Variants in KIF16B observed in about 807,000 individuals in gnomAD.
The protein encoded by KIF16B is kinesin family member 16B.
KIF16B carries 98 observed loss-of-function variants against 156.3 expected under a neutral mutation model. That is an observed-to-expected ratio of 0.63 (90% CI 0.53 to 0.74). The LOEUF (loss-of-function observed/expected upper bound fraction) is 0.74. KIF16B is among the 30% of genes least tolerant of loss of function. The probability of loss-of-function intolerance (pLI) is 0.00; values close to 1 mark genes in which losing one functional copy is unlikely to be tolerated. For missense variants in KIF16B, 1,421 were observed against 1,606.5 expected, an observed-to-expected ratio of 0.88 and a Z score of 1.97; for synonymous variants, 564 against 583.7, an observed-to-expected ratio of 0.97 and a Z score of 0.49.
intron 22 of KIF16B, among the ~76,000 whole-genome samples, chr20:16,361,511 T>A (rs6043913): frequency 0.68 from 103,330 of 152,126 alleles, 36,360 homozygotes; most frequent in East Asian, 0.97. Flanking sequence ...ATACATCTGA[T>A]TTGGATTTTG....
At chr20:16,322,437 G>A (rs2063785853) in intron 24 of KIF16B, among the ~76,000 whole-genome samples, 1 of 151,880 alleles carries the variant, frequency 6.6e-6, no homozygotes, top group Non-Finnish European at 1.5e-5. Context: ...AATCTTATAA[G>A]CTATTTTATA....
chr20:16,388,288 C>T lies in KIF16B; in HGVS notation c.1785-6541G>A, dbSNP rs539303710. Among the ~76,000 whole-genome samples the T allele has an allele frequency of 2.7e-4, 41 of 152,178 alleles. 1 individual carries two copies. The highest frequency in any genetic ancestry group is 4.9e-4 in the Non-Finnish European group (33 of 68,000). On this transcript the variant is annotated intron_variant, in intron 17 of 25. Coordinates refer to ENST00000354981, the MANE Select transcript of KIF16B (RefSeq NM_024704.5). ...ATTTCTGTTAAATATTACATATTTACTAATCATACTCCAAAATGCACCTAT... is the reference window on the plus strand; with the variant it reads ...ATTTCTGTTAAATATTACATATTTATTAATCATACTCCAAAATGCACCTAT...
In KIF16B at chr20:16,272,697, A is replaced by C. The variant is rs2063000820; in HGVS notation, c.*556T>G. 1 of 152,778 alleles carries C rather than the reference A, an allele frequency of 6.5e-6. No individual in the cohort carries two copies. Among genetic ancestry groups the C allele is most frequent in the Non-Finnish European group, 1.5e-5 (1 of 68,136 alleles). 9.5% of individuals were successfully genotyped at this position (152,778 alleles called of 1,614,324 possible). A position where few individuals can be genotyped will look rare whatever the true frequency, so the allele number is the denominator to read the frequency against. ...TTTGCAGAATATGAAATTCTGTGTA[A>C]ACATCAGTGTTTGGGTTTTATATAA... On this transcript the variant is annotated 3_prime_UTR_variant, in exon 26 of 26. Transcript: ENST00000354981.
At chr20:16,343,172 A>C (rs559568230) in intron 23 of KIF16B, among the ~76,000 whole-genome samples, 1 of 152,342 alleles carries the variant, frequency 6.6e-6, no homozygotes, top group South Asian at 2.1e-4. Flanking sequence ...GAGTGGTTTC[A>C]CTGATACAAA....
intron 1 of KIF16B, among the ~76,000 whole-genome samples, chr20:16,537,995 T>C (rs73597781): frequency 6.6e-6 from 1 of 152,144 alleles, no homozygotes; most frequent in Admixed American, 6.5e-5. Context: ...TGAGCCACCA[T>C]GCCCAGCCCT....
At chr20:16,377,841 T>C (rs903261161) in intron 19 of KIF16B, among the ~76,000 whole-genome samples, 1 of 152,166 alleles carries the variant, frequency 6.6e-6, no homozygotes, top group African/African-American at 2.4e-5. Context: ...GAACTTATGG[T>C]CTGGTAAGTA....
intron 12 of KIF16B, among the ~76,000 whole-genome samples, chr20:16,452,783 C>T (rs907385771): frequency 7.3e-5 from 11 of 149,798 alleles, no homozygotes; most frequent in Admixed American, 4.7e-4. Flanking sequence ...TGCAGTGAGC[C>T]GAGATCGCGC....
intron 3 of KIF16B, among the ~76,000 whole-genome samples, chr20:16,516,107 C>A (rs771464449): frequency 7.9e-5 from 12 of 152,204 alleles, no homozygotes; most frequent in South Asian, 2.1e-4. Context: ...TCAATGCCAT[C>A]ATTTTAAGGG....
At chr20:16,320,151 C>A (rs2063753023) in intron 24 of KIF16B, among the ~76,000 whole-genome samples, 1 of 152,086 alleles carries the variant, frequency 6.6e-6, no homozygotes, top group Admixed American at 6.6e-5. Flanking sequence ...CAATGGAAGA[C>A]AAAAACAAGG....
intron 24 of KIF16B, among the ~76,000 whole-genome samples, chr20:16,322,779 G>A (rs2063790755): frequency 6.6e-6 from 1 of 151,886 alleles, no homozygotes; most frequent in South Asian, 2.1e-4. Flanking sequence ...GACATGTAAT[G>A]GAAAAATGTA....
chr20:16,331,806 T>C (rs1366462876), intron 24 of KIF16B, among the ~76,000 whole-genome samples: 1 of 152,176 alleles, frequency 6.6e-6, no homozygotes, highest in African/African-American at 2.4e-5. Context: ...TTCTAGGATG[T>C]TGTCAGGCCA....
At chr20:16,570,211 C>G (rs987449193) in intron 1 of KIF16B, among the ~76,000 whole-genome samples, 2 of 152,128 alleles carry the variant, frequency 1.3e-5, no homozygotes, top group African/African-American at 4.8e-5. Context: ...ATGCAAAAAT[C>G]ATCATCTTTA....
At chr20:16,567,777 T>C (rs1020857459) in intron 1 of KIF16B, among the ~76,000 whole-genome samples, 7 of 152,096 alleles carry the variant, frequency 4.6e-5, no homozygotes, top group East Asian at 3.9e-4. Flanking sequence ...AGTGAAACCC[T>C]GTCTCTACTA....
intron 15 of KIF16B, among the ~76,000 whole-genome samples, chr20:16,413,748 A>AAC (rs1174996257): frequency 7.4e-5 from 9 of 122,166 alleles, no homozygotes; most frequent in Non-Finnish European, 1.0e-4. Context: ...TCCACCAACC[A>AAC]ACACACACAC....
intron 25 of KIF16B, among the ~76,000 whole-genome samples, chr20:16,301,363 G>A (rs1246939561): frequency 1.3e-5 from 2 of 152,196 alleles, no homozygotes; most frequent in African/African-American, 4.8e-5. Flanking sequence ...GAGTGAGAGG[G>A]CTGGATCATA....
chr20:16,293,040 G>A (rs7343477), intron 25 of KIF16B, among the ~76,000 whole-genome samples: 5,345 of 152,126 alleles, frequency 0.035, 294 homozygotes, highest in African/African-American at 0.12. Context: ...AGAAAATACA[G>A]GAGACAGAAA....
chr20:16,537,184 C>T (rs1455498010), intron 1 of KIF16B, among the ~76,000 whole-genome samples: 1 of 152,176 alleles, frequency 6.6e-6, no homozygotes, highest in African/African-American at 2.4e-5. Context: ...TTCCCAAAGG[C>T]TACAGGATAA....
chr20:16,350,155 T>C (rs932628372), intron 23 of KIF16B, among the ~76,000 whole-genome samples: 5 of 152,246 alleles, frequency 3.3e-5, no homozygotes, highest in African/African-American at 1.2e-4. Flanking sequence ...AGGAAAGCTT[T>C]TGTCCTGGAC....
At chr20:16,378,149 T>C (rs553024549) in intron 19 of KIF16B, among the ~76,000 whole-genome samples, 2 of 152,244 alleles carry the variant, frequency 1.3e-5, no homozygotes, top group South Asian at 2.1e-4. Context: ...ATGCAAACCA[T>C]GAACCCAGGG....
Sources: allele counts gnomAD v4.1 joint callset (sites outside exome capture counted in the v4.1 genomes callset), GRCh38; gene constraint gnomAD v4.1.1; transcripts MANE v1.5; gene names NCBI Gene and HGNC (gene_info 2026-07-23, HGNC 2026-07-21).